Variants in B3GALNT2 observed in about 807,000 individuals in gnomAD.
The protein encoded by B3GALNT2 is beta-1,3-N-acetylgalactosaminyltransferase 2.
B3GALNT2 carries 53 observed loss-of-function variants against 61.1 expected under a neutral mutation model. The observed-to-expected ratio is 0.87, with a 90% confidence interval of 0.70 to 1.09. The LOEUF (loss-of-function observed/expected upper bound fraction) is 1.09, where lower values mean the gene tolerates loss of function less well. Among genes scored for constraint, B3GALNT2 ranks in the 50% least tolerant of loss-of-function variants. B3GALNT2 has a pLI of 0.00. For synonymous variants in B3GALNT2, 223 were observed against 237.4 expected (o/e 0.94, Z 0.56); for missense variants, 544 against 623.0 (o/e 0.87, Z 1.35).
chr1:235,452,460 T>C (rs1000451544), intron 11 of B3GALNT2: 1 of 152,198 alleles, frequency 6.6e-6, no homozygotes, highest in African/African-American at 2.4e-5. Context: ...AAGATCCTCA[T>C]TCTTTCTGCC....
chr1:235,453,237 C>T (rs751031407), intron 10 of B3GALNT2, 91 bp from the exon 11 acceptor site: 44 of 1,289,268 alleles, frequency 3.4e-5, no homozygotes, highest in Non-Finnish European at 4.6e-5. Flanking sequence ...CATAAACCAC[C>T]TTTCTACTTT....
At chr1:235,480,447 A>G (rs1684506318) in intron 4 of B3GALNT2, among the ~76,000 whole-genome samples, 1 of 152,122 alleles carries the variant, frequency 6.6e-6, no homozygotes, top group Admixed American at 6.5e-5. Context: ...GGAAGTGAGC[A>G]GTGTTGTTAA....
chr1:235,455,599 C>T lies in B3GALNT2; in HGVS notation c.1111G>A (p.Val371Ile). ...TTAGGCCCATCCAGATTCTTTTGGA[C>T]AATCCTATTAAATACAGCTTCGAGG... ...IDLEAVFNRIVQKNLDGPNFW... is the reference protein window; with the variant it reads ...IDLEAVFNRIIQKNLDGPNFW... Residue 371 changes from valine (V) to isoleucine (I), a missense_variant, in exon 9 of 12, where the codon GTC becomes ATC. Transcript: ENST00000366600. The T allele has an allele frequency of 1.9e-6, 3 of 1,611,202 alleles. No homozygotes were observed. The highest frequency in any genetic ancestry group is 2.5e-6 in the Non-Finnish European group (3 of 1,177,338).
rs573991387 is a variant in B3GALNT2 at position 235,474,273 on chromosome 1, C to A, written c.652-3313G>T. 3.9e-5 allele frequency among the ~76,000 whole-genome samples: 6 copies of A among 152,156 alleles called. No homozygotes were observed. The South Asian group carries it at 8.3e-4, about 21-fold the overall frequency. On this transcript the variant is annotated intron_variant, in intron 5 of 11. Transcript: ENST00000366600. ...AATTCCCTTACTAAGATCATAAAAACCAAAATAAAAGTTGGGAAAAAATAG... is the reference window on the plus strand; with the variant it reads ...AATTCCCTTACTAAGATCATAAAAAACAAAATAAAAGTTGGGAAAAAATAG...
chr1:235,477,026 A>G (rs1288790955), intron 5 of B3GALNT2, among the ~76,000 whole-genome samples: 2 of 135,254 alleles, frequency 1.5e-5, no homozygotes, highest in African/African-American at 5.1e-5. Flanking sequence ...GCCTGTCTCA[A>G]AAAAAAAAAA....
rs1392687042 is a variant in B3GALNT2, at chr1:235,447,912, G to A, written c.*2294C>T. On this transcript the variant is annotated 3_prime_UTR_variant, in exon 12 of 12. Transcript: ENST00000366600. Reference sequence around the variant, plus strand: ...ATTACTTACTTGGGTAAAGTGACTTGGGTAAAATGAAAGATACAGCCAGGC... The same window carrying A: ...ATTACTTACTTGGGTAAAGTGACTTAGGTAAAATGAAAGATACAGCCAGGC... 6.6e-6 allele frequency among the ~76,000 whole-genome samples: 1 copy of A among 152,090 alleles called. No homozygotes were observed. Among genetic ancestry groups the A allele is most frequent in the East Asian group, 1.9e-4 (1 of 5,182 alleles).
intron 3 of B3GALNT2, among the ~76,000 whole-genome samples, chr1:235,488,295 C>T (rs755037053): frequency 5.3e-5 from 8 of 152,164 alleles, no homozygotes; most frequent in Non-Finnish European, 1.0e-4. Flanking sequence ...AACTTCCAAA[C>T]GCGTATGAAT....
rs1682781907 is a variant in B3GALNT2 at position 235,449,778 on chromosome 1, ATAATTATCC to A, written c.*419_*427del. On this transcript the variant is annotated 3_prime_UTR_variant, in exon 12 of 12. Transcript: ENST00000366600. ...ATTCCTGTGAGTTCCTTTTTGTCTG[ATAATTATCC>A]TAATTAGCTCTACAGAGCTATCCTG... 2 of 155,062 alleles carry A rather than the reference ATAATTATCC, an allele frequency of 1.3e-5. No homozygotes were observed. The highest frequency in any genetic ancestry group is 4.8e-5 in the African/African-American group (2 of 41,466). The allele number at this position is 155,062 out of a possible 1,614,324, so 9.6% of individuals were successfully genotyped here. A position where few individuals can be genotyped will look rare whatever the true frequency, so the allele number is the denominator to read the frequency against.
chr1:235,443,018 A>G, downstream of B3GALNT2: 1 of 1,088,556 alleles, frequency 9.2e-7, no homozygotes, highest in East Asian at 2.5e-5. Context: ...TGGACCTCAG[A>G]ACTTACAGGT....
At chr1:235,496,547 CTTT>C (rs1396277043) in intron 1 of B3GALNT2, among the ~76,000 whole-genome samples, 13 of 133,372 alleles carry the variant, frequency 9.7e-5, no homozygotes, top group African/African-American at 1.4e-4. Context: ...GTACTTGTTT[CTTT>C]TTTTTTTTTT....
chr1:235,448,256 C>A lies in B3GALNT2; in HGVS notation c.*1950G>T. On this transcript the variant is annotated 3_prime_UTR_variant, in exon 12 of 12. Transcript: ENST00000366600. ...AAAAAAAAAAGACAGATACAGCTAT[C>A]ATTGCAATGATACTGTGGTCTCATC... 2.0e-5 allele frequency: 16 copies of A among 787,552 alleles called. No individual in the cohort carries two copies. The highest frequency in any genetic ancestry group is 3.1e-5 in the Non-Finnish European group (14 of 450,100). 48.8% of individuals were successfully genotyped at this position (787,552 alleles called of 1,614,324 possible).
chr1:235,477,895 G>A (rs1572526422), intron 5 of B3GALNT2, among the ~76,000 whole-genome samples: 1 of 152,180 alleles, frequency 6.6e-6, no homozygotes, highest in East Asian at 1.9e-4. Context: ...CAGTCTACGT[G>A]TGTTAAATCA....
the B3GALNT2 span, among the ~76,000 whole-genome samples, chr1:235,442,187 C>T: frequency 2.6e-5 from 4 of 151,388 alleles, no homozygotes; most frequent in Non-Finnish European, 2.9e-5. Context: ...TTTTTTTAAT[C>T]GAGACGGAGT....
Position 235,447,476 on chromosome 1 carries a change from A to G in B3GALNT2, c.*2730T>C, listed in dbSNP as rs1363974543. ...ACCAAAGCATTTACTCGGAAGTTAC[A>G]TTCCCATGCCTGGCAGTCACTTGTG... On this transcript the variant is annotated 3_prime_UTR_variant, in exon 12 of 12. Coordinates refer to ENST00000366600, the MANE Select transcript of B3GALNT2 (RefSeq NM_152490.5). Among the ~76,000 whole-genome samples, 2 of 152,206 alleles carry G rather than the reference A, an allele frequency of 1.3e-5. No individual in the cohort carries two copies. The highest frequency in any genetic ancestry group is 4.8e-5 in the African/African-American group (2 of 41,460).
chr1:235,480,706 AC>A (rs1260789362), intron 4 of B3GALNT2, among the ~76,000 whole-genome samples: 4 of 151,924 alleles, frequency 2.6e-5, no homozygotes, highest in African/African-American at 9.7e-5. Flanking sequence ...GGAGTTCCAG[AC>A]CAGCCTGGCC....
intron 2 of B3GALNT2, among the ~76,000 whole-genome samples, chr1:235,493,476 G>A (rs1685174268): frequency 6.6e-6 from 1 of 152,064 alleles, no homozygotes; most frequent in African/African-American, 2.4e-5. Flanking sequence ...CACTACTAGT[G>A]ACAAGAAAAT....
At chr1:235,458,902 T>C in intron 7 of B3GALNT2, 116 bp from the exon 8 acceptor site, 1 of 935,930 alleles carries the variant, frequency 1.1e-6, no homozygotes, top group Non-Finnish European at 1.5e-6. Context: ...CACATGCAGT[T>C]GTTTGGAACT....
Position 235,448,322 on chromosome 1 carries a change from G to T in B3GALNT2, c.*1884C>A, listed in dbSNP as rs111876307. ...ACAGGTAACTGTCATTTGAGAGAAC[G>T]AATGGACTTTTCTTGTCTTTTGATA... On this transcript the variant is annotated 3_prime_UTR_variant, in exon 12 of 12. Transcript: ENST00000366600. 6.2e-7 allele frequency: 1 copy of T among 1,601,074 alleles called. No individual in the cohort carries two copies. The highest frequency in any genetic ancestry group is 2.2e-5 in the East Asian group (1 of 44,738).
intron 2 of B3GALNT2, among the ~76,000 whole-genome samples, chr1:235,494,051 A>T (rs748582058): frequency 1.3e-5 from 2 of 152,204 alleles, no homozygotes; most frequent in Non-Finnish European, 2.9e-5. Flanking sequence ...TCAGTTCCAG[A>T]AGGGTAGTCA....
Sources: allele counts gnomAD v4.1 joint callset (sites outside exome capture counted in the v4.1 genomes callset), GRCh38; gene constraint gnomAD v4.1.1; transcripts MANE v1.5; gene names NCBI Gene and HGNC (gene_info 2026-07-23, HGNC 2026-07-21).